The following LINGO2 variants were observed in gnomAD, a reference collection of about 807,000 sequenced individuals.
The protein encoded by LINGO2 is leucine rich repeat and Ig domain containing 2.
In LINGO2, 14 loss-of-function variants were observed where a neutral mutation model predicts 30.6. That is an observed-to-expected ratio of 0.46 (90% CI 0.30 to 0.72). LINGO2 has a LOEUF of 0.72. Ranked by LOEUF, LINGO2 falls within the 30% of genes least tolerant of loss-of-function variation. The pLI, the probability that LINGO2 is intolerant of heterozygous loss-of-function variation, is 0.07. For synonymous variants in LINGO2, 317 were observed against 288.5 expected, an observed-to-expected ratio of 1.10 and a Z score of -1.00; for missense variants, 729 against 751.7, an observed-to-expected ratio of 0.97 and a Z score of 0.35.
At chr9:28,188,270 T>C (rs1295817928) in intron 4 of LINGO2, among the ~76,000 whole-genome samples, 3 of 119,530 alleles carry the variant, frequency 2.5e-5, no homozygotes, top group Non-Finnish European at 5.4e-5. Context: ...TACCTGTTTC[T>C]CTCATAGTCC....
intron 4 of LINGO2, among the ~76,000 whole-genome samples, chr9:28,125,828 T>G (rs1827221023): frequency 6.6e-6 from 1 of 152,214 alleles, no homozygotes; most frequent in South Asian, 2.1e-4. Context: ...ACAGAACAGC[T>G]ACTTTCAAAT....
chr9:28,431,389 G>A (rs1473594390), intron 2 of LINGO2, among the ~76,000 whole-genome samples: 1 of 152,014 alleles, frequency 6.6e-6, no homozygotes, highest in Non-Finnish European at 1.5e-5. Flanking sequence ...AAAGGAAGAA[G>A]AGAAGAAGGG....
chr9:28,226,612 TAAGAAGGAAAGAAGGA>T lies in LINGO2; in HGVS notation c.-87+68580_-87+68595del, dbSNP rs772929039. Among the ~76,000 whole-genome samples, 908 of 107,276 alleles carry T rather than the reference TAAGAAGGAAAGAAGGA, an allele frequency of 8.5e-3. 12 individuals are homozygous for T. The highest frequency in any genetic ancestry group is 0.013 in the Non-Finnish European group (695 of 52,834). 70.4% of individuals were successfully genotyped at this position (107,276 alleles called of 152,430 possible). A position where few individuals can be genotyped will look rare whatever the true frequency, so the allele number is the denominator to read the frequency against. ...AAGAAAAAAGAAAGAAAGAAAAAGGTAAGAAGGAAAGAAGGAAAGAAGGAAAGAAGGAAAGAAAGAA... is the reference window on the plus strand; with the variant it reads ...AAGAAAAAAGAAAGAAAGAAAAAGGTAAGAAGGAAAGAAGGAAAGAAAGAA... On this transcript the variant is annotated intron_variant, in intron 4 of 5. Coordinates refer to ENST00000379992, the Ensembl canonical transcript of LINGO2.
chr9:28,323,228 A>G (rs1243330363), intron 3 of LINGO2, among the ~76,000 whole-genome samples: 1 of 152,218 alleles, frequency 6.6e-6, no homozygotes, highest in African/African-American at 2.4e-5. Context: ...TGTGGGCCTA[A>G]TGGATTACCT....
chr9:29,179,158 A>T, the LINGO2 span, among the ~76,000 whole-genome samples: 6 of 101,634 alleles, frequency 5.9e-5, no homozygotes, highest in South Asian at 1.1e-3. Flanking sequence ...TCTTACTGTA[A>T]ATATATATAT....
chr9:29,081,682 C>G, the LINGO2 span, among the ~76,000 whole-genome samples: 2,065 of 152,182 alleles, frequency 0.014, 22 homozygotes, highest in Non-Finnish European at 0.024. Flanking sequence ...TTTAGAAAAC[C>G]CCATCGTCTC....
At chr9:29,045,826 T>G in the LINGO2 span, among the ~76,000 whole-genome samples, 1 of 152,162 alleles carries the variant, frequency 6.6e-6, no homozygotes, top group Non-Finnish European at 1.5e-5. Flanking sequence ...ACTTGAGCAT[T>G]GTTTTTAATT....
intron 4 of LINGO2, among the ~76,000 whole-genome samples, chr9:28,167,143 C>T (rs991894684): frequency 2.9e-5 from 4 of 138,654 alleles, no homozygotes; most frequent in Non-Finnish European, 6.3e-5. Context: ...TATAGCACCC[C>T]CCCCCCCCAC....
chr9:28,398,875 C>T (rs900721464), intron 2 of LINGO2, among the ~76,000 whole-genome samples: 1 of 152,146 alleles, frequency 6.6e-6, no homozygotes, highest in African/African-American at 2.4e-5. Flanking sequence ...TTTCACTTAA[C>T]CCCTTTTCGT....
At chr9:28,582,613 CA>C (rs1587907302) in intron 1 of LINGO2, among the ~76,000 whole-genome samples, 3 of 152,028 alleles carry the variant, frequency 2.0e-5, no homozygotes, top group South Asian at 4.1e-4. Flanking sequence ...ACCACTCTAA[CA>C]TAGCTAAAGT....
chr9:28,967,660 C>G, the LINGO2 span, among the ~76,000 whole-genome samples: 1 of 152,110 alleles, frequency 6.6e-6, no homozygotes, highest in Non-Finnish European at 1.5e-5. Flanking sequence ...GACCATTAGT[C>G]TGAGTTGACT....
At chr9:28,164,733 G>A (rs1464814941) in intron 4 of LINGO2, among the ~76,000 whole-genome samples, 2 of 152,120 alleles carry the variant, frequency 1.3e-5, no homozygotes, top group Non-Finnish European at 2.9e-5. Flanking sequence ...CCCTATATAT[G>A]TGGCTAGCAC....
the LINGO2 span, among the ~76,000 whole-genome samples, chr9:28,879,576 T>C: frequency 1.3e-5 from 2 of 152,186 alleles, no homozygotes; most frequent in South Asian, 4.1e-4. Flanking sequence ...TCTCACATCA[T>C]CTATGGGTTC....
At chr9:28,769,401 A>T in the LINGO2 span, among the ~76,000 whole-genome samples, 26 of 142,712 alleles carry the variant, frequency 1.8e-4, no homozygotes, top group Non-Finnish European at 3.5e-4. Context: ...TAAGTACAAG[A>T]CATTGGTCTA....
At chr9:29,055,015 T>G in the LINGO2 span, among the ~76,000 whole-genome samples, 1 of 152,044 alleles carries the variant, frequency 6.6e-6, no homozygotes, top group Admixed American at 6.6e-5. Context: ...GGTCAGGAGT[T>G]TGAGACCAAC....
the LINGO2 span, among the ~76,000 whole-genome samples, chr9:28,878,636 C>A: frequency 6.6e-6 from 1 of 152,170 alleles, no homozygotes; most frequent in Non-Finnish European, 1.5e-5. Context: ...AAAGCTTATC[C>A]ACCAGGATCA....
intron 1 of LINGO2, among the ~76,000 whole-genome samples, chr9:28,666,875 T>C (rs994489123): frequency 1.3e-5 from 2 of 152,186 alleles, no homozygotes; most frequent in African/African-American, 4.8e-5. Context: ...TGGCTTCAGG[T>C]TCATATCCTA....
chr9:28,512,622 T>G (rs940093987), intron 1 of LINGO2, among the ~76,000 whole-genome samples: 1 of 10,022 alleles, frequency 1.0e-4, no homozygotes, highest in South Asian at 6.1e-3. Context: ...TATATATATA[T>G]ATATATATAT....
At chr9:28,170,772 T>C (rs1337423045) in intron 4 of LINGO2, among the ~76,000 whole-genome samples, 9 of 152,222 alleles carry the variant, frequency 5.9e-5, no homozygotes, top group Non-Finnish European at 7.3e-5. Flanking sequence ...ACTCTGCTTT[T>C]ATCATCGCAT....
Sources: allele counts gnomAD v4.1 joint callset (sites outside exome capture counted in the v4.1 genomes callset), GRCh38; gene constraint gnomAD v4.1.1; transcripts MANE v1.5; gene names NCBI Gene and HGNC (gene_info 2026-07-23, HGNC 2026-07-21).